Variants in WDR89 observed in about 807,000 individuals in gnomAD.
WDR89 encodes the protein WD repeat-containing protein 89.
WDR89 carries 17 observed loss-of-function variants against 29.1 expected under a neutral mutation model. The observed-to-expected ratio is 0.58, with a 90% CI of 0.40 to 0.88. The LOEUF is 0.88. WDR89 is among the 40% of genes least tolerant of loss of function. The pLI, the probability that WDR89 is intolerant of heterozygous loss-of-function variation, is 0.00. For synonymous variants in WDR89, 138 were observed against 157.8 expected (o/e 0.87, Z 0.94); for missense variants, 396 against 456.3 (o/e 0.87, Z 1.20).
At chr14:63,611,880 C>T (rs1399655965) in intron 2 of WDR89, among the ~76,000 whole-genome samples, 1 of 151,906 alleles carries the variant, frequency 6.6e-6, no homozygotes, top group Non-Finnish European at 1.5e-5. Context: ...ACGTGCACCA[C>T]CACGTCAGGC....
intron 1 of WDR89, chr14:63,641,403 C>G (rs892067054): frequency 3.3e-5 from 5 of 152,284 alleles, no homozygotes; most frequent in African/African-American, 1.2e-4. Context: ...AATCTGCTTT[C>G]TGGCCTACAA....
At chr14:63,628,933 T>C (rs1883231466) in intron 1 of WDR89, among the ~76,000 whole-genome samples, 1 of 149,942 alleles carries the variant, frequency 6.7e-6, no homozygotes, top group Admixed American at 6.6e-5. Context: ...TGTGAGACCC[T>C]GTCTCAAAAA....
At chr14:63,610,702 CTTTTTTTTTT>C (rs1009799974) in intron 2 of WDR89, among the ~76,000 whole-genome samples, 22 of 129,124 alleles carry the variant, frequency 1.7e-4, no homozygotes, top group African/African-American at 6.0e-4. Flanking sequence ...CTTTTCTTTT[CTTTTTTTTTT>C]TTTTTTTTGA....
chr14:63,597,890 C>T lies in WDR89; in HGVS notation c.*889G>A, dbSNP rs1406449012. On this transcript the variant is annotated 3_prime_UTR_variant, in exon 3 of 3. Transcript: ENST00000620954. The stretch of plus-strand genomic sequence containing the variant: ...GGATGAACTGAAGCAGATTAGAGAT[C>T]GAGCTGGTAATCCAGATGAGAAATA... 6.6e-6 allele frequency: 1 copy of T among 152,102 alleles called. No individual in the cohort carries two copies. Among genetic ancestry groups the T allele is most frequent in the Non-Finnish European group, 1.5e-5 (1 of 68,036 alleles). 9.4% of individuals were successfully genotyped at this position (152,102 alleles called of 1,614,324 possible). A position where few individuals can be genotyped will look rare whatever the true frequency, so the allele number is the denominator to read the frequency against.
intron 1 of WDR89, among the ~76,000 whole-genome samples, chr14:63,638,378 A>G (rs937792874): frequency 2.0e-5 from 3 of 152,230 alleles, no homozygotes; most frequent in Non-Finnish European, 4.4e-5. Context: ...GTTGAGCCCA[A>G]GAGTTTGAGT....
intron 2 of WDR89, among the ~76,000 whole-genome samples, chr14:63,622,670 G>C (rs977659916): frequency 6.6e-6 from 1 of 152,042 alleles, no homozygotes; most frequent in African/African-American, 2.4e-5. Flanking sequence ...GGGAGGCTGA[G>C]GCACAAGAAT....
At position 63,599,757 on chromosome 14, in the gene WDR89, T is replaced by G. The variant is rs1280683289; in HGVS notation, c.186A>C (p.Val62=). 1 of 1,614,204 alleles carries G rather than the reference T, an allele frequency of 6.2e-7. No homozygotes were observed. The highest frequency in any genetic ancestry group is 1.1e-5 in the South Asian group (1 of 91,088). ...CAGGATATCCACTAAATTCTCGTAG[T>G]ACATTTAACCTTTCTTTATCATATA... ...IRIYDKERLN[V]LREFSGYPGL... Residue 62 remains valine, a synonymous_variant, in exon 3 of 3, where the codon GTA becomes GTC. Coordinates refer to ENST00000620954, the MANE Select transcript of WDR89 (RefSeq NM_080666.4).
intron 1 of WDR89, among the ~76,000 whole-genome samples, chr14:63,627,417 A>G (rs923462662): frequency 6.6e-6 from 1 of 152,194 alleles, no homozygotes. Flanking sequence ...AACAACATTA[A>G]GTAGCTTTTA....
At chr14:63,601,567 G>A (rs934376919) in intron 2 of WDR89, 2 of 1,600,460 alleles carry the variant, frequency 1.2e-6, no homozygotes, top group Admixed American at 3.3e-5. Context: ...GTTGAAAGGA[G>A]TGCTGTTGAA....
At chr14:63,639,788 A>G (rs1014120729) in intron 1 of WDR89, among the ~76,000 whole-genome samples, 3 of 152,364 alleles carry the variant, frequency 2.0e-5, no homozygotes, top group Admixed American at 6.5e-5. Context: ...TCAGTTGCAG[A>G]AAAAGTAGTC....
At chr14:63,609,651 G>T (rs1169373481) in intron 2 of WDR89, among the ~76,000 whole-genome samples, 2 of 152,112 alleles carry the variant, frequency 1.3e-5, no homozygotes, top group Non-Finnish European at 2.9e-5. Context: ...TTAGCCAAGG[G>T]TGGTGGCGCC....
chr14:63,613,534 C>T (rs1202691548), intron 2 of WDR89, among the ~76,000 whole-genome samples: 1 of 145,336 alleles, frequency 6.9e-6, no homozygotes, highest in Admixed American at 6.9e-5. Context: ...ACAAGAGTCT[C>T]ACTCCGTTGC....
chr14:63,608,596 T>C (rs1317776819), intron 2 of WDR89, among the ~76,000 whole-genome samples: 3 of 151,710 alleles, frequency 2.0e-5, no homozygotes, highest in East Asian at 1.9e-4. Context: ...TTTTCAGAGA[T>C]TGTCAATTTG....
chr14:63,623,378 T>G (rs930662474), intron 2 of WDR89, among the ~76,000 whole-genome samples: 1 of 150,678 alleles, frequency 6.6e-6, no homozygotes, highest in Non-Finnish European at 1.5e-5. Flanking sequence ...ACAGAAAATA[T>G]AAAAACAACT....
chr14:63,623,109 G>A (rs1882802695), intron 2 of WDR89, among the ~76,000 whole-genome samples: 1 of 149,454 alleles, frequency 6.7e-6, no homozygotes, highest in Admixed American at 6.7e-5. Context: ...TAGGTGGGAG[G>A]ATAACTTGAG....
chr14:63,619,963 C>A (rs1882579628), intron 2 of WDR89, among the ~76,000 whole-genome samples: 1 of 148,806 alleles, frequency 6.7e-6, no homozygotes, highest in Non-Finnish European at 1.5e-5. Context: ...CAAGATCGTG[C>A]CACTGCACTC....
chr14:63,618,277 A>G (rs1029231769), intron 2 of WDR89: 3 of 152,172 alleles, frequency 2.0e-5, no homozygotes, highest in African/African-American at 7.2e-5. Flanking sequence ...GCCTCAGCCT[A>G]CCAAGTAGCT....
intron 2 of WDR89, among the ~76,000 whole-genome samples, chr14:63,609,720 G>A (rs1267211864): frequency 6.6e-6 from 1 of 152,094 alleles, no homozygotes; most frequent in Non-Finnish European, 1.5e-5. Context: ...TACCTGGAAG[G>A]TGGAGGTTAC....
At chr14:63,617,077 CTTTTTTTT>C (rs10602220) in intron 2 of WDR89, among the ~76,000 whole-genome samples, 1 of 104,122 alleles carries the variant, frequency 9.6e-6, no homozygotes, top group Non-Finnish European at 1.8e-5. Context: ...TAATTACAAG[CTTTTTTTT>C]TTTTTTTTTT....
Sources: allele counts gnomAD v4.1 joint callset (sites outside exome capture counted in the v4.1 genomes callset), GRCh38; gene constraint gnomAD v4.1.1; transcripts MANE v1.5; gene names NCBI Gene and HGNC (gene_info 2026-07-23, HGNC 2026-07-21).